PDZD2: variants seen among roughly 807,000 people sequenced by gnomAD.
The protein encoded by PDZD2 is PDZ domain containing 2, also known as PDZ domain-containing protein 2.
A neutral mutation model predicts 220.7 loss-of-function variants in PDZD2; 90 were observed. That is an observed-to-expected ratio of 0.41 (90% confidence interval 0.34 to 0.49). The LOEUF is 0.49. PDZD2 is among the 20% of genes least tolerant of loss of function. The pLI is 0.28. For synonymous variants in PDZD2, 1,375 were observed against 1,450.5 expected (o/e 0.95, Z 1.18); for missense variants, 3,174 against 3,608.5 (o/e 0.88, Z 3.08).
intron 2 of PDZD2, among the ~76,000 whole-genome samples, chr5:31,930,546 A>G (rs1745189384): frequency 6.6e-6 from 1 of 152,142 alleles, no homozygotes; most frequent in African/African-American, 2.4e-5. Flanking sequence ...ACAGGAATAG[A>G]TGAAGAATGG....
chr5:31,679,396 G>A (rs1401398282), intron 1 of PDZD2, among the ~76,000 whole-genome samples: 2 of 152,246 alleles, frequency 1.3e-5, no homozygotes, highest in Non-Finnish European at 2.9e-5. Context: ...TGGTCTCTGA[G>A]GAGGACACTG....
At position 32,109,230 on chromosome 5, in the gene PDZD2, A is replaced by ATGTT. The variant is rs781165755; in HGVS notation, c.*1097_*1100dup. On this transcript the variant is annotated 3_prime_UTR_variant, in exon 25 of 25. Transcript: ENST00000438447. ...TTGGTTTTTTTCCCTCTTTCCCAAC[A>ATGTT]TGTTTAAGAAATGTAACATTCTAAG... 11 of 152,192 alleles carry ATGTT rather than the reference A, an allele frequency of 7.2e-5. No individual in the cohort carries two copies. The highest frequency in any genetic ancestry group is 1.9e-4 in the East Asian group (1 of 5,200). The allele number at this position is 152,192 out of a possible 1,614,324, so 9.4% of individuals were successfully genotyped here. A position where few individuals can be genotyped will look rare whatever the true frequency, so the allele number is the denominator to read the frequency against.
intron 2 of PDZD2, among the ~76,000 whole-genome samples, chr5:31,953,260 A>T (rs555275170): frequency 1.3e-5 from 2 of 152,248 alleles, no homozygotes; most frequent in South Asian, 4.1e-4. Flanking sequence ...TTTCAAAAGC[A>T]GAAGATGAAA....
intron 2 of PDZD2, chr5:31,854,935 A>G: frequency 1.0e-6 from 1 of 983,070 alleles, no homozygotes; most frequent in Non-Finnish European, 1.2e-6. Context: ...CCTCCCACAG[A>G]CCTGGAGCCG....
chr5:31,724,470 C>T (rs574284428), intron 1 of PDZD2, among the ~76,000 whole-genome samples: 6 of 152,046 alleles, frequency 3.9e-5, no homozygotes, highest in Admixed American at 1.3e-4. Flanking sequence ...GCCATGGTGG[C>T]GCATACCTGT....
In PDZD2 at chr5:31,703,004, T is replaced by A. The variant is rs1430709612; in HGVS notation, c.-361+63567T>A. ...GCCTCTGCCCTCACATTTGCTTTCCTTCCTGTGGCCCTCCCTGTTTGTTCT... is the reference window on the plus strand; with the variant it reads ...GCCTCTGCCCTCACATTTGCTTTCCATCCTGTGGCCCTCCCTGTTTGTTCT... On this transcript the variant is annotated intron_variant, in intron 1 of 24. Transcript: ENST00000438447. 3.9e-5 allele frequency among the ~76,000 whole-genome samples: 6 copies of A among 152,370 alleles called. No homozygotes were observed. The East Asian group carries it at 1.2e-3, about 29-fold the overall frequency.
intron 2 of PDZD2, among the ~76,000 whole-genome samples, chr5:31,906,833 ACT>A (rs1361844583): frequency 6.6e-6 from 1 of 151,046 alleles, no homozygotes; most frequent in Non-Finnish European, 1.5e-5. Flanking sequence ...ACAGAGCAAG[ACT>A]CTGTCTCAAA....
intron 1 of PDZD2, among the ~76,000 whole-genome samples, chr5:31,679,477 G>A (rs1222487239): frequency 2.0e-5 from 3 of 152,000 alleles, no homozygotes; most frequent in Non-Finnish European, 2.9e-5. Flanking sequence ...GTGTTGTGGT[G>A]TGTTGTGTTG....
chr5:32,059,541 G>C (rs1279573610), intron 13 of PDZD2, among the ~76,000 whole-genome samples, 185 bp downstream of exon 13: 3 of 152,096 alleles, frequency 2.0e-5, no homozygotes, highest in African/African-American at 4.8e-5. Flanking sequence ...AATGAAATTT[G>C]GTTGAATTTG....
intron 1 of PDZD2, among the ~76,000 whole-genome samples, chr5:31,780,140 T>C (rs1326905417): frequency 6.6e-6 from 1 of 152,140 alleles, no homozygotes; most frequent in East Asian, 1.9e-4. Flanking sequence ...AGAAGCAGCA[T>C]TGGTAGAAAG....
At chr5:31,757,453 G>A (rs960288310) in intron 1 of PDZD2, among the ~76,000 whole-genome samples, 4 of 152,042 alleles carry the variant, frequency 2.6e-5, no homozygotes, top group Admixed American at 6.6e-5. Context: ...TTAGCCGGGC[G>A]TGGTGGCGGA....
chr5:31,757,549 G>A (rs1036010946), intron 1 of PDZD2, among the ~76,000 whole-genome samples: 1 of 151,478 alleles, frequency 6.6e-6, no homozygotes. Context: ...CCGAGATTGC[G>A]CCAGTGCACT....
intron 5 of PDZD2, among the ~76,000 whole-genome samples, chr5:32,004,057 T>G (rs1241260168): frequency 1.3e-5 from 2 of 151,258 alleles, no homozygotes; most frequent in African/African-American, 2.4e-5. Context: ...CTTTTCTTTG[T>G]CAAGTCGTTA....
chr5:31,886,731 T>G (rs1740526635), intron 2 of PDZD2, among the ~76,000 whole-genome samples: 1 of 151,282 alleles, frequency 6.6e-6, no homozygotes, highest in Admixed American at 6.6e-5. Flanking sequence ...GGAGTCTTGC[T>G]CTGTCGCTCA....
At chr5:31,735,350 T>C (rs1029252270) in intron 1 of PDZD2, among the ~76,000 whole-genome samples, 2 of 152,206 alleles carry the variant, frequency 1.3e-5, no homozygotes, top group Admixed American at 1.3e-4. Context: ...CCTCCTATTC[T>C]CCTGGTAGTT....
chr5:31,777,328 G>C (rs1052773241), intron 1 of PDZD2, among the ~76,000 whole-genome samples: 1 of 152,196 alleles, frequency 6.6e-6, no homozygotes, highest in African/African-American at 2.4e-5. Context: ...CCAGGCCTCA[G>C]CCGCCTCCCT....
chr5:31,750,862 G>A (rs565584168), intron 1 of PDZD2, among the ~76,000 whole-genome samples: 1 of 152,282 alleles, frequency 6.6e-6, no homozygotes, highest in African/African-American at 2.4e-5. Flanking sequence ...GTAGTCAGGG[G>A]TAATGTTACG....
chr5:32,055,428 C>T (rs970617342), intron 10 of PDZD2, among the ~76,000 whole-genome samples: 8 of 152,020 alleles, frequency 5.3e-5, no homozygotes, highest in African/African-American at 1.9e-4. Flanking sequence ...AACTCCTGGC[C>T]TCAAGTGAAT....
At chr5:32,065,602 T>A (rs1270016953) in intron 14 of PDZD2, among the ~76,000 whole-genome samples, 1 of 152,236 alleles carries the variant, frequency 6.6e-6, no homozygotes. Context: ...TCTGGGGATG[T>A]GATGTCAACA....
Sources: allele counts gnomAD v4.1 joint callset (sites outside exome capture counted in the v4.1 genomes callset), GRCh38; gene constraint gnomAD v4.1.1; transcripts MANE v1.5; gene names NCBI Gene and HGNC (gene_info 2026-07-23, HGNC 2026-07-21).